USP48: variants seen among roughly 807,000 people sequenced by gnomAD.
USP48 encodes the protein ubiquitin specific peptidase 48.
A neutral mutation model predicts 150.7 loss-of-function variants in USP48; 43 were observed. The ratio of observed to expected loss-of-function variants is 0.29; its 90% CI spans 0.22 to 0.37. The LOEUF is 0.37. Among genes scored for constraint, USP48 ranks in the 10% least tolerant of loss-of-function variants. USP48 has a pLI of 1.00. For missense variants in USP48, 813 were observed against 1,249.6 expected (o/e 0.65, Z 5.27); for synonymous variants, 396 against 425.9 (o/e 0.93, Z 0.86).
chr1:21,736,559 T>G lies in USP48; in HGVS notation c.1058A>C (p.His353Pro). Residue 353 changes from histidine (H) to proline (P), a missense_variant, in exon 9 of 27, where the codon CAC (histidine) becomes CCC (proline). Coordinates refer to ENST00000308271, the MANE Select transcript of USP48 (RefSeq NM_032236.8). ...TGGATCTTTCACGTGGGCGATGTAG[T>G]GGCCAGAATAAGCACTCACTCCTCT... The part of the protein sequence containing the change: ...IHRGVSAYSG[H>P]YIAHVKDPQS... 6.3e-7 allele frequency: 1 copy of G among 1,592,396 alleles called. No individual in the cohort carries two copies. Among genetic ancestry groups the G allele is most frequent in the Non-Finnish European group, 8.5e-7 (1 of 1,172,324 alleles).
intron 12 of USP48, 85 bp downstream of exon 12, chr1:21,723,812 AT>A (rs2097728787): frequency 8.0e-7 from 1 of 1,254,126 alleles, no homozygotes; most frequent in Admixed American, 2.0e-5. Context: ...TTTGGGTCAA[AT>A]CATCATAAGC....
At chr1:21,720,271 C>T (rs2097716447) in intron 14 of USP48, among the ~76,000 whole-genome samples, 1 of 152,232 alleles carries the variant, frequency 6.6e-6, no homozygotes, top group African/African-American at 2.4e-5. Context: ...CTTAACCTTT[C>T]TTGAAACTCT....
chr1:21,697,359 T>C (rs2097637731), intron 22 of USP48, among the ~76,000 whole-genome samples: 2 of 151,820 alleles, frequency 1.3e-5, no homozygotes, highest in African/African-American at 4.8e-5. Flanking sequence ...TTTCTCAGTC[T>C]CGACTGTTGA....
At chr1:21,685,310 A>G (rs1392467766) in intron 25 of USP48, among the ~76,000 whole-genome samples, 1 of 147,092 alleles carries the variant, frequency 6.8e-6, no homozygotes, top group African/African-American at 2.5e-5. Flanking sequence ...AGCTATTATT[A>G]TTGGAATTGC....
intron 8 of USP48, among the ~76,000 whole-genome samples, chr1:21,740,765 A>G (rs921203564): frequency 6.6e-6 from 1 of 152,254 alleles, no homozygotes; most frequent in African/African-American, 2.4e-5. Context: ...AAGTATGTTT[A>G]AAGAAATAAA....
intron 3 of USP48, among the ~76,000 whole-genome samples, chr1:21,754,306 T>C (rs2097825590): frequency 2.0e-5 from 3 of 152,218 alleles, no homozygotes; most frequent in Non-Finnish European, 4.4e-5. Flanking sequence ...TGTCTAGTCA[T>C]GATTTTTTAA....
chr1:21,765,549 G>A (rs969235032), intron 1 of USP48, among the ~76,000 whole-genome samples: 1 of 151,658 alleles, frequency 6.6e-6, no homozygotes, highest in Non-Finnish European at 1.5e-5. Flanking sequence ...CCCGGGAGGC[G>A]GAGGTTGCAG....
intron 1 of USP48, among the ~76,000 whole-genome samples, chr1:21,765,649 C>G (rs2097859967): frequency 6.7e-6 from 1 of 150,024 alleles, no homozygotes; most frequent in African/African-American, 2.5e-5. Context: ...CGAAGCTGAA[C>G]AAGGCATGAG....
intron 20 of USP48, 27 bp downstream of exon 20, chr1:21,704,235 G>C (rs758899290): frequency 1.2e-6 from 2 of 1,601,818 alleles, no homozygotes; most frequent in Admixed American, 3.5e-5. Flanking sequence ...CTTAACTATA[G>C]AAACCGAAAG....
chr1:21,739,107 A>C (rs775066770), intron 8 of USP48, among the ~76,000 whole-genome samples: 9 of 152,204 alleles, frequency 5.9e-5, no homozygotes, highest in Non-Finnish European at 7.3e-5. Context: ...ACTATGATCG[A>C]CTTGAACTCT....
At chr1:21,773,013 C>T (rs2097886333) in intron 1 of USP48, among the ~76,000 whole-genome samples, 1 of 149,940 alleles carries the variant, frequency 6.7e-6, no homozygotes, top group Admixed American at 6.6e-5. Flanking sequence ...TAATCCAACA[C>T]TTTGAGAGGC....
At chr1:21,716,869 A>T (rs560506799) in intron 14 of USP48, among the ~76,000 whole-genome samples, 1 of 152,250 alleles carries the variant, frequency 6.6e-6, no homozygotes, top group South Asian at 2.1e-4. Flanking sequence ...TCTACTAAAA[A>T]TACAAAAAAT....
At chr1:21,693,891 C>T (rs1557427646) in intron 23 of USP48, among the ~76,000 whole-genome samples, 1 of 152,264 alleles carries the variant, frequency 6.6e-6, no homozygotes, top group Non-Finnish European at 1.5e-5. Context: ...TGTACTTTTG[C>T]CTCAATTACA....
At chr1:21,778,734 G>A (rs960508720) in intron 1 of USP48, among the ~76,000 whole-genome samples, 7 of 151,698 alleles carry the variant, frequency 4.6e-5, no homozygotes, top group Middle Eastern at 3.2e-3. Context: ...GCACCAAAGT[G>A]GGACTCCATT....
intron 22 of USP48, 66 bp downstream of exon 22, chr1:21,701,432 G>A (rs2097656643): frequency 7.3e-7 from 1 of 1,373,258 alleles, no homozygotes; most frequent in Non-Finnish European, 1.0e-6. Context: ...ATGGCCAGGG[G>A]CTTCGAGTGG....
intron 10 of USP48, 70 bp from the exon 11 acceptor site, chr1:21,728,789 T>C (rs2097747110): frequency 6.5e-7 from 1 of 1,547,058 alleles, no homozygotes; most frequent in Non-Finnish European, 8.8e-7. Context: ...TGCTAATCTC[T>C]AAATCATATC....
chr1:21,766,406 GA>G (rs1366147901), intron 1 of USP48, among the ~76,000 whole-genome samples: 1 of 152,134 alleles, frequency 6.6e-6, no homozygotes, highest in African/African-American at 2.4e-5. Context: ...TCAGGGAGTA[GA>G]AAAGTAGTAG....
rs554653247 is a variant in USP48, at chr1:21,722,291, A to G, written c.1649-527T>C. Among the ~76,000 whole-genome samples the G allele has an allele frequency of 6.6e-5, 10 of 151,852 alleles. No individual in the cohort carries two copies. In the East Asian group the frequency reaches 1.6e-3, roughly 24 times the overall value. Reference sequence around the variant, plus strand: ...AGGTATAGTGGCTCATACCACCAAGAGCTTTGGGAAGCCAAGCAGGGAGGG... The same window carrying G: ...AGGTATAGTGGCTCATACCACCAAGGGCTTTGGGAAGCCAAGCAGGGAGGG... On this transcript the variant is annotated intron_variant, in intron 12 of 26. Transcript: ENST00000308271.
At chr1:21,759,025 T>C (rs1005684147) in intron 1 of USP48, among the ~76,000 whole-genome samples, 7 of 151,704 alleles carry the variant, frequency 4.6e-5, no homozygotes, top group Non-Finnish European at 8.8e-5. Context: ...ATACAAAAAT[T>C]AGCCAGGTGT....
Sources: gnomAD v4.1 joint callset for allele counts (sites outside exome capture counted in the v4.1 genomes callset) on GRCh38, gnomAD v4.1.1 for gene constraint, MANE v1.5 for transcripts, NCBI Gene and HGNC (gene_info 2026-07-23, HGNC 2026-07-21) for gene names.